NRXN1: variants seen among roughly 807,000 people sequenced by gnomAD.
The protein encoded by NRXN1 is neurexin 1, also known as neurexin-1.
Under a neutral mutation model 150.9 loss-of-function variants are expected in NRXN1, and 39 were observed. That is an observed-to-expected ratio of 0.26 (90% CI 0.20 to 0.34). The LOEUF is 0.34. Ranked by LOEUF, NRXN1 falls within the 10% of genes least tolerant of loss-of-function variation. The probability of loss-of-function intolerance (pLI) is 1.00; values close to 1 mark genes in which losing one functional copy is unlikely to be tolerated. For missense variants in NRXN1, 1,815 were observed against 1,949.9 expected (o/e 0.93, Z 1.30); for synonymous variants, 924 against 757.0 (o/e 1.22, Z -3.62).
At chr2:50,683,681 A>C (rs1156436868) in intron 5 of NRXN1, among the ~76,000 whole-genome samples, 2 of 121,172 alleles carry the variant, frequency 1.7e-5, no homozygotes, top group African/African-American at 6.0e-5. Flanking sequence ...TAAATGGTAG[A>C]TCTAGGAACT....
chr2:50,170,193 C>A (rs2059943922), intron 18 of NRXN1, among the ~76,000 whole-genome samples: 1 of 151,786 alleles, frequency 6.6e-6, no homozygotes, highest in Non-Finnish European at 1.5e-5. Context: ...GTTGAGCACC[C>A]TAAATCCAAA....
chr2:50,306,352 A>AC (rs371871597), intron 17 of NRXN1, among the ~76,000 whole-genome samples: 25 of 152,178 alleles, frequency 1.6e-4, no homozygotes, highest in African/African-American at 5.6e-4. Context: ...AGTACCTGAG[A>AC]CCCCTAAGAA....
chr2:50,977,926 C>G (rs2104847767), intron 2 of NRXN1, among the ~76,000 whole-genome samples: 1 of 151,754 alleles, frequency 6.6e-6, no homozygotes, highest in Non-Finnish European at 1.5e-5. Context: ...TCTGAAACAA[C>G]AAATAAAACA....
At chr2:50,891,153 G>A (rs1017818465) in intron 5 of NRXN1, among the ~76,000 whole-genome samples, 4 of 151,972 alleles carry the variant, frequency 2.6e-5, no homozygotes, top group African/African-American at 9.7e-5. Context: ...GAAAATACTA[G>A]TGATTTATTG....
At chr2:50,199,350 T>A (rs1208816084) in intron 18 of NRXN1, 1 of 152,090 alleles carries the variant, frequency 6.6e-6, no homozygotes, top group African/African-American at 2.4e-5. Flanking sequence ...CAGGTTTGCT[T>A]CTGTTTAGTT....
chr2:50,144,589 A>G (rs1370860271), intron 18 of NRXN1, among the ~76,000 whole-genome samples: 1 of 152,018 alleles, frequency 6.6e-6, no homozygotes, highest in African/African-American at 2.4e-5. Flanking sequence ...GAAGAAGCCA[A>G]TTTCATCAAA....
At chr2:50,120,726 T>A (rs2152735847) in intron 18 of NRXN1, among the ~76,000 whole-genome samples, 1 of 152,328 alleles carries the variant, frequency 6.6e-6, no homozygotes, top group South Asian at 2.1e-4. Context: ...GAATTTACTA[T>A]AATACATACC....
intron 18 of NRXN1, among the ~76,000 whole-genome samples, chr2:50,162,774 T>G (rs1559004989): frequency 6.6e-6 from 1 of 152,124 alleles, no homozygotes. Context: ...CAAACCTTAA[T>G]CAGATATTAT....
chr2:50,006,030 C>G (rs1684704166), intron 21 of NRXN1, among the ~76,000 whole-genome samples: 1 of 152,018 alleles, frequency 6.6e-6, no homozygotes, highest in South Asian at 2.1e-4. Context: ...CCTTGGTTGT[C>G]TACCTCATCA....
chr2:50,017,947 G>C (rs916802610), intron 21 of NRXN1, among the ~76,000 whole-genome samples: 5 of 152,048 alleles, frequency 3.3e-5, no homozygotes, highest in African/African-American at 1.2e-4. Flanking sequence ...TATTTAATTA[G>C]TGTGACTAAA....
chr2:50,822,599 A>C (rs1282282331), intron 5 of NRXN1, among the ~76,000 whole-genome samples: 1 of 152,142 alleles, frequency 6.6e-6, no homozygotes, highest in Non-Finnish European at 1.5e-5. Context: ...AGTAAAGGAC[A>C]CACTCCTATT....
At chr2:50,764,022 T>C (rs1232442165) in intron 5 of NRXN1, among the ~76,000 whole-genome samples, 2 of 105,898 alleles carry the variant, frequency 1.9e-5, no homozygotes, top group South Asian at 5.9e-4. Context: ...CCGTTGGCCC[T>C]TTTTTTTTTT....
intron 15 of NRXN1, among the ~76,000 whole-genome samples, chr2:50,491,647 AAGGACAAAGTACTGCC>A (rs1466923537): frequency 6.6e-6 from 1 of 152,224 alleles, no homozygotes; most frequent in African/African-American, 2.4e-5. Context: ...AGGAGGAAGA[AAGGACAAAGTACTGCC>A]TGGGCTGACC....
At chr2:50,526,611 T>A (rs2092958791) in intron 12 of NRXN1, 1 of 152,212 alleles carries the variant, frequency 6.6e-6, no homozygotes, top group Non-Finnish European at 1.5e-5. Flanking sequence ...CTCCCTTTCC[T>A]CAAAGGTGAG....
At chr2:50,925,624 A>G (rs1484855781) in intron 3 of NRXN1, among the ~76,000 whole-genome samples, 1 of 151,914 alleles carries the variant, frequency 6.6e-6, no homozygotes, top group Non-Finnish European at 1.5e-5. Context: ...ACAAAGAAAT[A>G]TTTTGTCTTT....
chr2:50,797,935 T>G (rs1422144358), intron 5 of NRXN1, among the ~76,000 whole-genome samples: 1 of 152,174 alleles, frequency 6.6e-6, no homozygotes, highest in Non-Finnish European at 1.5e-5. Context: ...ACACAAATAT[T>G]TAGGTGATCA....
chr2:50,203,433 T>C (rs544983696), intron 18 of NRXN1, among the ~76,000 whole-genome samples: 1 of 152,294 alleles, frequency 6.6e-6, no homozygotes, highest in South Asian at 2.1e-4. Context: ...TTTGAAGCAT[T>C]TGAAAGATTT....
At chr2:50,524,963 A>T (rs1287643700) in intron 12 of NRXN1, among the ~76,000 whole-genome samples, 1 of 152,190 alleles carries the variant, frequency 6.6e-6, no homozygotes, top group African/African-American at 2.4e-5. Flanking sequence ...CCATCATTAT[A>T]ACTCTGAGAT....
intron 8 of NRXN1, among the ~76,000 whole-genome samples, chr2:50,583,588 GATAT>G (rs1672632485): frequency 6.6e-6 from 1 of 152,094 alleles, no homozygotes; most frequent in African/African-American, 2.4e-5. Context: ...CACAACACTC[GATAT>G]ATAGGGGTAC....
Sources: gnomAD v4.1 joint callset for allele counts (sites outside exome capture counted in the v4.1 genomes callset) on GRCh38, gnomAD v4.1.1 for gene constraint, MANE v1.5 for transcripts, NCBI Gene and HGNC (gene_info 2026-07-23, HGNC 2026-07-21) for gene names.